The following ZBTB7C variants were observed in gnomAD, a reference collection of about 807,000 sequenced individuals.
The protein encoded by ZBTB7C is zinc finger and BTB domain-containing protein 7C.
In ZBTB7C, 8 loss-of-function variants were observed where a neutral mutation model predicts 25.7. The observed-to-expected ratio is 0.31, with a 90% CI of 0.18 to 0.56. The LOEUF is 0.56. ZBTB7C is among the 20% of genes least tolerant of loss of function. The probability of loss-of-function intolerance (pLI) is 0.91; values close to 1 mark genes in which losing one functional copy is unlikely to be tolerated. For synonymous variants in ZBTB7C, 394 were observed against 369.0 expected, an observed-to-expected ratio of 1.07 and a Z score of -0.78; for missense variants, 824 against 855.2, an observed-to-expected ratio of 0.96 and a Z score of 0.46.
At chr18:48,377,257 T>C (rs188314462) in intron 1 of ZBTB7C, among the ~76,000 whole-genome samples, 42 of 152,366 alleles carry the variant, frequency 2.8e-4, no homozygotes, top group Non-Finnish European at 4.7e-4. Context: ...GGTCAGGTGC[T>C]GGAGATCTAA....
At chr18:48,179,454 T>G (rs1023054538) in intron 3 of ZBTB7C, among the ~76,000 whole-genome samples, 1 of 152,000 alleles carries the variant, frequency 6.6e-6, no homozygotes, top group Non-Finnish European at 1.5e-5. Context: ...AGGCAGAGAT[T>G]CCTGGGGGCT....
intron 2 of ZBTB7C, among the ~76,000 whole-genome samples, chr18:48,210,811 G>A (rs751113944): frequency 3.9e-5 from 6 of 152,082 alleles, no homozygotes; most frequent in Non-Finnish European, 5.9e-5. Context: ...TCTATGATAT[G>A]TAAATTATAT....
At chr18:48,401,657 G>A (rs1165851577) in intron 1 of ZBTB7C, among the ~76,000 whole-genome samples, 1 of 152,138 alleles carries the variant, frequency 6.6e-6, no homozygotes, top group Non-Finnish European at 1.5e-5. Context: ...CTGGGACTAG[G>A]TTCTGGGCCC....
chr18:48,244,090 A>G (rs1599175312), intron 2 of ZBTB7C, among the ~76,000 whole-genome samples: 1 of 152,334 alleles, frequency 6.6e-6, no homozygotes, highest in East Asian at 1.9e-4. Flanking sequence ...TAACATCACA[A>G]AAACTCTTCC....
chr18:48,389,999 C>A (rs572937180), intron 1 of ZBTB7C, among the ~76,000 whole-genome samples: 13 of 152,142 alleles, frequency 8.5e-5, no homozygotes, highest in Non-Finnish European at 1.5e-4. Context: ...AAAGATGTCA[C>A]CACTGGTGTC....
At chr18:48,132,779 A>G (rs1262715137) in intron 3 of ZBTB7C, among the ~76,000 whole-genome samples, 1 of 152,222 alleles carries the variant, frequency 6.6e-6, no homozygotes, top group East Asian at 1.9e-4. Context: ...AGAAAGACCA[A>G]CGGACCAACC....
intron 4 of ZBTB7C, among the ~76,000 whole-genome samples, chr18:48,036,674 C>T (rs1288482617): frequency 6.6e-6 from 1 of 152,182 alleles, no homozygotes; most frequent in Non-Finnish European, 1.5e-5. Flanking sequence ...AGTGACATGA[C>T]AGGGCCCAGT....
chr18:48,166,956 C>T (rs890129213), intron 3 of ZBTB7C, among the ~76,000 whole-genome samples: 1 of 152,144 alleles, frequency 6.6e-6, no homozygotes, highest in Non-Finnish European at 1.5e-5. Flanking sequence ...AGGAAGAGGC[C>T]TCTTCCTCTG....
chr18:48,358,170 G>A (rs995558954), intron 1 of ZBTB7C, among the ~76,000 whole-genome samples: 4 of 152,108 alleles, frequency 2.6e-5, no homozygotes, highest in Admixed American at 2.6e-4. Context: ...GGCCAACAAT[G>A]GTGAAACCCC....
chr18:48,299,746 G>A (rs2045496899), intron 2 of ZBTB7C, among the ~76,000 whole-genome samples: 1 of 152,264 alleles, frequency 6.6e-6, no homozygotes, highest in African/African-American at 2.4e-5. Flanking sequence ...CGCAGCATGT[G>A]CAAAGGCCCT....
At chr18:48,401,138 C>T (rs1043905328) in intron 1 of ZBTB7C, among the ~76,000 whole-genome samples, 1 of 152,166 alleles carries the variant, frequency 6.6e-6, no homozygotes, top group African/African-American at 2.4e-5. Flanking sequence ...CTCATGACAC[C>T]CAAGAGTCTG....
At chr18:48,170,648 A>C (rs1271934602) in intron 3 of ZBTB7C, among the ~76,000 whole-genome samples, 1 of 152,146 alleles carries the variant, frequency 6.6e-6, no homozygotes, top group Non-Finnish European at 1.5e-5. Flanking sequence ...AGGAGGAGAA[A>C]AAGAGCCATT....
At chr18:48,237,329 G>A (rs1320262813) in intron 2 of ZBTB7C, among the ~76,000 whole-genome samples, 2 of 143,536 alleles carry the variant, frequency 1.4e-5, no homozygotes, top group African/African-American at 5.2e-5. Flanking sequence ...ATTGTGAGGA[G>A]AAGAATGGAG....
intron 2 of ZBTB7C, among the ~76,000 whole-genome samples, chr18:48,251,269 C>A (rs7230620): frequency 0.94 from 142,607 of 152,170 alleles, 67,283 homozygotes; most frequent in East Asian, 1. Flanking sequence ...AATGTTTGAA[C>A]AAAACAAACA....
chr18:48,400,480 T>C (rs929684891), intron 1 of ZBTB7C, among the ~76,000 whole-genome samples: 5 of 152,200 alleles, frequency 3.3e-5, no homozygotes, highest in Non-Finnish European at 7.3e-5. Flanking sequence ...AAAAGTCCTG[T>C]CTCAGGCCCC....
chr18:48,068,225 G>A (rs1316056809), intron 3 of ZBTB7C, among the ~76,000 whole-genome samples: 4 of 144,576 alleles, frequency 2.8e-5, no homozygotes, highest in South Asian at 2.2e-4. Context: ...TGCAGGCTCC[G>A]CCTCCCGGGT....
At chr18:48,199,426 T>C (rs1238381916) in intron 2 of ZBTB7C, among the ~76,000 whole-genome samples, 1 of 152,226 alleles carries the variant, frequency 6.6e-6, no homozygotes, top group Non-Finnish European at 1.5e-5. Flanking sequence ...CTACTGAATT[T>C]TAAATTTCTG....
At chr18:48,177,490 G>A (rs1237644823) in intron 3 of ZBTB7C, among the ~76,000 whole-genome samples, 1 of 152,154 alleles carries the variant, frequency 6.6e-6, no homozygotes, top group Non-Finnish European at 1.5e-5. Flanking sequence ...GAAACATTTT[G>A]TGACAGTGCC....
intron 1 of ZBTB7C, among the ~76,000 whole-genome samples, chr18:48,342,488 G>GCC (rs2046627113): frequency 6.6e-6 from 1 of 152,104 alleles, no homozygotes; most frequent in African/African-American, 2.4e-5. Flanking sequence ...CAGAAACATC[G>GCC]CCCGAACCCC....
Sources: allele counts gnomAD v4.1 joint callset (sites outside exome capture counted in the v4.1 genomes callset), GRCh38; gene constraint gnomAD v4.1.1; transcripts MANE v1.5; gene names NCBI Gene and HGNC (gene_info 2026-07-23, HGNC 2026-07-21).